ABCA1: variants seen among roughly 807,000 people sequenced by gnomAD.
ABCA1 encodes phospholipid-transporting ATPase ABCA1.
A neutral mutation model predicts 262.5 loss-of-function variants in ABCA1; 133 were observed. The observed-to-expected ratio is 0.51, with a 90% CI of 0.44 to 0.59. ABCA1 has a LOEUF of 0.59. Among genes scored for constraint, ABCA1 ranks in the 20% least tolerant of loss-of-function variants. The pLI, the probability that ABCA1 is intolerant of heterozygous loss-of-function variation, is 0.00. For missense variants in ABCA1, 2,452 were observed against 2,777.5 expected (o/e 0.88, Z 2.63); for synonymous variants, 1,022 against 1,043.5 (o/e 0.98, Z 0.40).
At chr9:104,882,052 A>C (rs921614601) in intron 5 of ABCA1, among the ~76,000 whole-genome samples, 13 of 137,398 alleles carry the variant, frequency 9.5e-5, no homozygotes, top group Middle Eastern at 3.7e-3. Flanking sequence ...AAAAAAAAAA[A>C]AAAAACTCAA....
At chr9:104,798,746 G>A (rs560076208) in intron 36 of ABCA1, 148 bp from the exon 37 acceptor site, 2 of 745,150 alleles carry the variant, frequency 2.7e-6, no homozygotes, top group Non-Finnish European at 4.7e-6. Flanking sequence ...CTGTTCACCA[G>A]ACACATTTTA....
intron 28 of ABCA1, among the ~76,000 whole-genome samples, chr9:104,811,921 T>G (rs1831314670): frequency 6.6e-6 from 1 of 152,172 alleles, no homozygotes; most frequent in Admixed American, 6.5e-5. Flanking sequence ...CTTAACAATA[T>G]CCACATCATC....
intron 5 of ABCA1, among the ~76,000 whole-genome samples, chr9:104,866,557 T>G (rs1431977436): frequency 1.3e-5 from 2 of 151,964 alleles, no homozygotes; most frequent in Non-Finnish European, 2.9e-5. Flanking sequence ...CTTGGCTCAT[T>G]GCAACCTCCA....
intron 44 of ABCA1, among the ~76,000 whole-genome samples, chr9:104,789,854 G>A (rs1296864816): frequency 6.6e-6 from 1 of 152,130 alleles, no homozygotes; most frequent in Non-Finnish European, 1.5e-5. Context: ...AGAACTTTGG[G>A]AGGCTGAGGC....
intron 39 of ABCA1, 87 bp downstream of exon 39, chr9:104,795,966 C>A (rs1320975990): frequency 5.1e-6 from 8 of 1,571,060 alleles, no homozygotes; most frequent in Non-Finnish European, 6.1e-6. Flanking sequence ...ATACCACTGA[C>A]AAGTGGAATA....
intron 2 of ABCA1, among the ~76,000 whole-genome samples, chr9:104,892,393 G>T: frequency 1.8e-5 from 2 of 112,454 alleles, no homozygotes; most frequent in Non-Finnish European, 1.7e-5. Flanking sequence ...ATTTTTATTT[G>T]TCAATTATAC....
At chr9:104,896,432 A>G (rs1840202756) in intron 2 of ABCA1, among the ~76,000 whole-genome samples, 1 of 152,218 alleles carries the variant, frequency 6.6e-6, no homozygotes, top group Admixed American at 6.5e-5. Context: ...TAATATCCAA[A>G]TTTCCCAAGC....
intron 1 of ABCA1, among the ~76,000 whole-genome samples, chr9:104,922,204 C>T (rs1056349689): frequency 1.3e-5 from 2 of 152,052 alleles, no homozygotes; most frequent in African/African-American, 4.8e-5. Flanking sequence ...AACTGAAGGC[C>T]CCACCGGAAA....
chr9:104,881,853 C>A (rs1339826421), intron 5 of ABCA1, among the ~76,000 whole-genome samples: 1 of 151,892 alleles, frequency 6.6e-6, no homozygotes, highest in Non-Finnish European at 1.5e-5. Context: ...GATGGCCTGG[C>A]TGCACAGCCA....
chr9:104,904,228 T>C (rs942548565), intron 1 of ABCA1, among the ~76,000 whole-genome samples: 1 of 152,128 alleles, frequency 6.6e-6, no homozygotes, highest in Admixed American at 6.5e-5. Context: ...TGAACTTCCT[T>C]ACATACTAAT....
rs367822841 is a variant in ABCA1, at chr9:104,784,178, T to C, written c.*137A>G. On this transcript the variant is annotated 3_prime_UTR_variant, in exon 50 of 50. Transcript: ENST00000374736. ...TTTCATTGCATTGAATTGCATTGCA[T>C]TGAATAGTATCAGTACAGTATCCAG... 97 of 1,112,910 alleles carry C rather than the reference T, an allele frequency of 8.7e-5. No individual in the cohort carries two copies. The East Asian group carries it at 1.4e-3, about 16-fold the overall frequency. The allele number at this position is 1,112,910 out of a possible 1,614,324, so 68.9% of individuals were successfully genotyped here. A position where few individuals can be genotyped will look rare whatever the true frequency, so the allele number is the denominator to read the frequency against.
chr9:104,889,728 C>T (rs1045515055), intron 2 of ABCA1, among the ~76,000 whole-genome samples: 1 of 151,754 alleles, frequency 6.6e-6, no homozygotes, highest in Admixed American at 6.6e-5. Flanking sequence ...GTGCTAAATA[C>T]ACACAACCCT....
At position 104,814,490 on chromosome 9, in the gene ABCA1, A is replaced by C; in HGVS notation, c.3739-15T>G. 6.2e-7 allele frequency: 1 copy of C among 1,613,566 alleles called. No individual in the cohort carries two copies. The highest frequency in any genetic ancestry group is 8.5e-7 in the Non-Finnish European group (1 of 1,179,480). On this transcript the variant is annotated splice_polypyrimidine_tract_variant and intron_variant, in intron 25 of 49. Transcript: ENST00000374736. ...TTGAGGAATATCTGGAAAATGAGAGAGATGAGAACATTATAAGCACCAACA... is the reference window on the plus strand; with the variant it reads ...TTGAGGAATATCTGGAAAATGAGAGCGATGAGAACATTATAAGCACCAACA...
chr9:104,838,812 ATT>A (rs892762571), intron 9 of ABCA1, among the ~76,000 whole-genome samples: 8 of 146,542 alleles, frequency 5.5e-5, no homozygotes, highest in Admixed American at 1.4e-4. Context: ...AGATAATAGA[ATT>A]TTTTTTTTTT....
At chr9:104,786,223 C>A (rs1298052552) in intron 48 of ABCA1, 75 bp downstream of exon 48, 1 of 1,223,622 alleles carries the variant, frequency 8.2e-7, no homozygotes, top group African/African-American at 1.5e-5. Flanking sequence ...TTAGAGGCAC[C>A]ATTTATATAC....
intron 5 of ABCA1, among the ~76,000 whole-genome samples, chr9:104,870,984 G>A (rs552319685): frequency 2.0e-4 from 30 of 152,300 alleles, no homozygotes; most frequent in African/African-American, 4.6e-4. Context: ...CAGTTAAGGC[G>A]AGGCAGGGCC....
intron 2 of ABCA1, among the ~76,000 whole-genome samples, chr9:104,892,581 A>G (rs777851255): frequency 5.3e-5 from 8 of 152,286 alleles, no homozygotes; most frequent in Middle Eastern, 3.4e-3. Flanking sequence ...CCCTATTTAT[A>G]TATAAGCTTC....
chr9:104,838,819 T>C (rs371406993), intron 9 of ABCA1, among the ~76,000 whole-genome samples: 12 of 152,172 alleles, frequency 7.9e-5, no homozygotes, highest in African/African-American at 2.9e-4. Flanking sequence ...AGAATTTTTT[T>C]TTTTTTAATG....
At position 104,799,904 on chromosome 9, in the gene ABCA1, T is replaced by C. The variant is rs1206863473; in HGVS notation, c.4858A>G (p.Lys1620Glu). Residue 1620 changes from lysine (K) to glutamate (E), a missense_variant, in exon 36 of 50, where the codon AAG (lysine) becomes GAG (glutamate). By Grantham distance (56) the Lys-to-Glu change is moderately conservative. This residue lies in a region of ABCA1 where 752 missense variants were observed against 944.5 expected (regional missense o/e 0.80). Coordinates refer to ENST00000374736, the MANE Select transcript of ABCA1 (RefSeq NM_005502.4). ...CCATAATGGCTAGGGTTCTCTCCCTTTTGCAGGTTGGCCCGGAGAATGGCA... is the reference window on the plus strand; with the variant it reads ...CCATAATGGCTAGGGTTCTCTCCCTCTTGCAGGTTGGCCCGGAGAATGGCA... ...NNAILRANLQ[K>E]GENPSHYGIT... The C allele has an allele frequency of 6.2e-7, 1 of 1,614,114 alleles. No homozygotes were observed. Among genetic ancestry groups the C allele is most frequent in the East Asian group, 2.2e-5 (1 of 44,890 alleles).
Sources: gnomAD v4.1 joint callset for allele counts (sites outside exome capture counted in the v4.1 genomes callset) on GRCh38, gnomAD v4.1.1 for gene constraint, gnomAD v4.1.1 regional missense constraint, MANE v1.5 for transcripts, NCBI Gene and HGNC (gene_info 2026-07-23, HGNC 2026-07-21) for gene names.